Variants in DCX observed in about 807,000 individuals in gnomAD.
The protein encoded by DCX is doublecortin, also known as neuronal migration protein doublecortin.
DCX carries 4 observed loss-of-function variants against 20.9 expected under a neutral mutation model. The ratio of observed to expected loss-of-function variants is 0.19; its 90% CI spans 0.09 to 0.44. The LOEUF (loss-of-function observed/expected upper bound fraction) is 0.44, where lower values mean the gene tolerates loss of function less well. DCX is among the 20% of genes least tolerant of loss of function. The probability of loss-of-function intolerance (pLI) is 0.99; values close to 1 mark genes in which losing one functional copy is unlikely to be tolerated. For synonymous variants in DCX, 103 were observed against 111.4 expected, an observed-to-expected ratio of 0.92 and a Z score of 0.47; for missense variants, 133 against 296.9, an observed-to-expected ratio of 0.45 and a Z score of 4.06.
intron 3 of DCX, among the ~76,000 whole-genome samples, chrX:111,347,783 G>T (rs1044782266): frequency 5.4e-5 from 6 of 110,742 alleles, no homozygotes; most frequent in African/African-American, 2.0e-4. Flanking sequence ...TTTTCGAATA[G>T]ATCGTGTTCT....
intron 3 of DCX, among the ~76,000 whole-genome samples, chrX:111,385,262 G>A (rs958600615): frequency 2.2e-4 from 25 of 112,100 alleles, no homozygotes; most frequent in Middle Eastern, 4.6e-3. Flanking sequence ...AAATATGTTG[G>A]GTTTTCTGGT....
At chrX:111,395,474 T>C (rs1274817336) in intron 3 of DCX, among the ~76,000 whole-genome samples, 1 of 112,369 alleles carries the variant, frequency 8.9e-6, no homozygotes, top group African/African-American at 3.2e-5. Context: ...AAGAAATAAC[T>C]GATCACCAGG....
chrX:111,364,596 G>T (rs962826780), intron 3 of DCX, among the ~76,000 whole-genome samples: 9 of 111,716 alleles, frequency 8.1e-5, no homozygotes, highest in African/African-American at 2.9e-4. Flanking sequence ...ACCTTTGCAA[G>T]CATGTTCAAG....
At chrX:111,410,795 A>G (rs755737577) in intron 1 of DCX, 1 of 1,211,187 alleles carries the variant, frequency 8.3e-7, no homozygotes, top group Non-Finnish European at 1.1e-6. Context: ...GGCTAAATAC[A>G]TTAAAACTGG....
chrX:111,324,826 A>G (rs73545268), intron 5 of DCX, among the ~76,000 whole-genome samples: 186 of 111,858 alleles, frequency 1.7e-3, no homozygotes, highest in African/African-American at 5.7e-3. Flanking sequence ...TAAGTACTTT[A>G]GAGGGGTACT....
chrX:111,329,652 T>C (rs1228838546), intron 5 of DCX, among the ~76,000 whole-genome samples: 2 of 111,687 alleles, frequency 1.8e-5, no homozygotes, highest in Non-Finnish European at 3.8e-5. Context: ...ATTCCAGGTA[T>C]GGGGGAACAG....
At chrX:111,411,060 C>A in intron 1 of DCX, 1 of 850,485 alleles carries the variant, frequency 1.2e-6, no homozygotes, top group South Asian at 2.1e-5. Context: ...GGGACAGCCT[C>A]CAGGGAACAG....
At chrX:111,402,067 G>T (rs1360355304) in intron 2 of DCX, among the ~76,000 whole-genome samples, 3 of 111,960 alleles carry the variant, frequency 2.7e-5, no homozygotes, top group Non-Finnish European at 5.6e-5. Context: ...ATACTCTCAT[G>T]TTTCTACCAC....
chrX:111,377,184 C>CA (rs1263989506), intron 3 of DCX, among the ~76,000 whole-genome samples: 1 of 111,602 alleles, frequency 9.0e-6, no homozygotes, highest in Non-Finnish European at 1.9e-5. Flanking sequence ...TGAAGAGCTG[C>CA]AAAAAATCAG....
At chrX:111,348,795 T>C (rs1010259826) in intron 3 of DCX, among the ~76,000 whole-genome samples, 1 of 109,382 alleles carries the variant, frequency 9.1e-6, no homozygotes, top group Non-Finnish European at 1.9e-5. Flanking sequence ...AACAGTTTCC[T>C]GGTGTCTGCT....
At chrX:111,312,776 C>T in intron 5 of DCX, 40 bp from the exon 6 acceptor site, 1 of 1,165,638 alleles carries the variant, frequency 8.6e-7, no homozygotes, top group Non-Finnish European at 1.2e-6. Flanking sequence ...TAAAAATCAA[C>T]AGCATACAAA....
intron 3 of DCX, among the ~76,000 whole-genome samples, chrX:111,369,007 A>T (rs1924862365): frequency 9.1e-6 from 1 of 110,214 alleles, no homozygotes; most frequent in Non-Finnish European, 1.9e-5. Context: ...CTGAAGAGCA[A>T]GGAGAGCCAG....
At chrX:111,404,330 C>G (rs1306613620) in intron 2 of DCX, among the ~76,000 whole-genome samples, 1 of 112,062 alleles carries the variant, frequency 8.9e-6, no homozygotes, top group East Asian at 2.8e-4. Context: ...GACATGAGCA[C>G]TGCTGGGGGC....
intron 3 of DCX, among the ~76,000 whole-genome samples, chrX:111,348,162 T>C (rs1406857311): frequency 8.9e-6 from 1 of 111,880 alleles, no homozygotes; most frequent in African/African-American, 3.3e-5. Context: ...AACTCAAGAT[T>C]GTCTAATTTA....
intron 3 of DCX, among the ~76,000 whole-genome samples, chrX:111,390,693 C>T (rs1218062970): frequency 2.7e-5 from 3 of 111,194 alleles, no homozygotes; most frequent in Non-Finnish European, 5.7e-5. Flanking sequence ...TCATATAATT[C>T]CCCTGCTTAA....
At position 111,400,950 on chromosome X, in the gene DCX, T is replaced by C. The variant is rs774037682; in HGVS notation, c.705+40A>G. On this transcript the variant is annotated intron_variant, in intron 3 of 6. Coordinates refer to ENST00000636035, the MANE Select transcript of DCX (RefSeq NM_001195553.2). ...TAGGTATAACATGATCATCTAAGAA[T>C]TTAGAAAAAACGGGAAAAGTACTTT... The C allele has an allele frequency of 5.2e-6, 6 of 1,155,649 alleles. No homozygotes were observed. In the Admixed American group the frequency reaches 6.5e-5, roughly 13 times the overall value.
intron 3 of DCX, among the ~76,000 whole-genome samples, chrX:111,345,725 G>A (rs898402384): frequency 9.0e-6 from 1 of 111,516 alleles, no homozygotes; most frequent in Non-Finnish European, 1.9e-5. Context: ...CGTCTTTATA[G>A]TAGAATGATT....
chrX:111,396,349 CA>C (rs1250156879), intron 3 of DCX, among the ~76,000 whole-genome samples: 1 of 111,835 alleles, frequency 8.9e-6, no homozygotes, highest in Non-Finnish European at 1.9e-5. Context: ...AAAGCTAGAA[CA>C]AGCACTAAAG....
intron 3 of DCX, among the ~76,000 whole-genome samples, chrX:111,333,500 T>C (rs1921453063): frequency 9.0e-6 from 1 of 111,277 alleles, no homozygotes; most frequent in Non-Finnish European, 1.9e-5. Context: ...GACGGGAAGC[T>C]CCTGGCCCAA....
Sources: allele counts gnomAD v4.1 joint callset (sites outside exome capture counted in the v4.1 genomes callset), GRCh38; gene constraint gnomAD v4.1.1; transcripts MANE v1.5; gene names NCBI Gene and HGNC (gene_info 2026-07-23, HGNC 2026-07-21).